TRMT9B: variants seen among roughly 807,000 people sequenced by gnomAD.
The protein encoded by TRMT9B is tRNA methyltransferase 9B (putative).
Under a neutral mutation model 11.5 loss-of-function variants are expected in TRMT9B, and 16 were observed. The observed-to-expected ratio is 1.39, with a 90% CI of 0.94 to 2.11. The LOEUF (loss-of-function observed/expected upper bound fraction) is 2.11. Among genes scored for constraint, TRMT9B ranks in the 30% most tolerant of loss-of-function variants. TRMT9B has a pLI of 0.00. For synonymous variants in TRMT9B, 274 were observed against 192.4 expected, an observed-to-expected ratio of 1.42 and a Z score of -3.51; for missense variants, 941 against 553.8, an observed-to-expected ratio of 1.70 and a Z score of -7.02.
chr8:12,966,599 C>T (rs970944822), intron 1 of TRMT9B, among the ~76,000 whole-genome samples: 1 of 152,166 alleles, frequency 6.6e-6, no homozygotes, highest in Non-Finnish European at 1.5e-5. Context: ...CCATGTGGCA[C>T]AGCATTTATT....
At chr8:12,980,033 GTTGA>G (rs1412549541) in intron 1 of TRMT9B, among the ~76,000 whole-genome samples, 1 of 152,146 alleles carries the variant, frequency 6.6e-6, no homozygotes, top group African/African-American at 2.4e-5. Context: ...AGAGTTCATG[GTTGA>G]TTGAATCTAG....
intron 3 of TRMT9B, among the ~76,000 whole-genome samples, chr8:13,008,105 A>G (rs1192258706): frequency 2.6e-5 from 4 of 152,198 alleles, no homozygotes; most frequent in Admixed American, 2.6e-4. Context: ...TTGTCAATTT[A>G]CCAATGTATA....
chr8:12,963,398 A>C (rs1291755717), intron 1 of TRMT9B, among the ~76,000 whole-genome samples: 1 of 152,156 alleles, frequency 6.6e-6, no homozygotes, highest in Non-Finnish European at 1.5e-5. Context: ...GCACCACTGC[A>C]CTCCAGCCTG....
At chr8:12,958,080 G>C (rs1287627552) in intron 1 of TRMT9B, among the ~76,000 whole-genome samples, 5 of 152,014 alleles carry the variant, frequency 3.3e-5, no homozygotes, top group Non-Finnish European at 5.9e-5. Context: ...TAAAGAAAAA[G>C]AGGTTTTTTG....
At chr8:13,015,996 G>T (rs879276756) in intron 4 of TRMT9B, among the ~76,000 whole-genome samples, 1 of 151,244 alleles carries the variant, frequency 6.6e-6, no homozygotes, top group Admixed American at 6.6e-5. Context: ...TGAATTCCCA[G>T]CTACTTTGGG....
intron 1 of TRMT9B, among the ~76,000 whole-genome samples, chr8:12,960,640 A>C (rs1244308998): frequency 6.6e-6 from 1 of 152,152 alleles, no homozygotes; most frequent in Non-Finnish European, 1.5e-5. Context: ...AAAAGAAATG[A>C]TTTTTCAAGT....
intron 4 of TRMT9B, among the ~76,000 whole-genome samples, chr8:13,016,200 A>G: frequency 7.0e-6 from 1 of 142,974 alleles, no homozygotes; most frequent in Admixed American, 7.5e-5. Flanking sequence ...TGAAATATAT[A>G]TTTATATATA....
At chr8:12,972,431 T>C (rs755213634) in intron 1 of TRMT9B, among the ~76,000 whole-genome samples, 1 of 152,072 alleles carries the variant, frequency 6.6e-6, no homozygotes, top group Non-Finnish European at 1.5e-5. Context: ...GAGCTAGTCC[T>C]GGGAAAGTGA....
chr8:12,963,180 T>C (rs1260039318), intron 1 of TRMT9B, among the ~76,000 whole-genome samples: 1 of 152,164 alleles, frequency 6.6e-6, no homozygotes, highest in Non-Finnish European at 1.5e-5. Context: ...ACTCCTGTAA[T>C]CCCAGCACTT....
chr8:12,980,560 A>G (rs1805194882), intron 1 of TRMT9B, among the ~76,000 whole-genome samples: 1 of 152,130 alleles, frequency 6.6e-6, no homozygotes, highest in South Asian at 2.1e-4. Flanking sequence ...AGCACTGCAC[A>G]CTACAGAGTT....
At chr8:12,950,371 C>T (rs2946510) in intron 1 of TRMT9B, among the ~76,000 whole-genome samples, 1 of 151,932 alleles carries the variant, frequency 6.6e-6, no homozygotes, top group Non-Finnish European at 1.5e-5. Context: ...GCTTTGTCTC[C>T]TAATGCACTG....
Position 13,021,041 on chromosome 8 carries a change from T to C in TRMT9B, c.362T>C (p.Ile121Thr), listed in dbSNP as rs1166540470. The C allele has an allele frequency of 6.4e-7, 1 of 1,572,878 alleles. No individual in the cohort carries two copies. The highest frequency in any genetic ancestry group is 8.6e-7 in the Non-Finnish European group (1 of 1,160,856). Residue 121 changes from isoleucine (I) to threonine (T), a missense_variant, in exon 5 of 5, where the codon ATC becomes ACC. Ile to Thr is a moderately conservative substitution (Grantham distance 89). Coordinates refer to ENST00000524591, the MANE Select transcript of TRMT9B (RefSeq NM_020844.3). ...IHHFSTKQRR[I>T]RAIKEMARVL... ...CATTTTTCTACAAAACAAAGAAGAA[T>C]CAGAGCAATAAAAGAAATGGCCAGG...
In TRMT9B at chr8:13,028,291, G is replaced by A. The variant is rs772369344; in HGVS notation, c.*6247G>A. On this transcript the variant is annotated 3_prime_UTR_variant, in exon 5 of 5. Transcript: ENST00000524591. ...ATCTGATGGACCATTTGTAAGAGCT[G>A]TTTGTCAAATTGGATCTTCATTTGA... 11 of 167,070 alleles carry A rather than the reference G, an allele frequency of 6.6e-5. No homozygotes were observed. Among genetic ancestry groups the A allele is most frequent in the Non-Finnish European group, 1.2e-4 (8 of 68,128 alleles). 10.3% of individuals were successfully genotyped at this position (167,070 alleles called of 1,614,324 possible).
chr8:12,993,710 C>T (rs1807808489), intron 2 of TRMT9B, among the ~76,000 whole-genome samples: 1 of 152,232 alleles, frequency 6.6e-6, no homozygotes, highest in Non-Finnish European at 1.5e-5. Context: ...AGAGTCCCTT[C>T]ATCCATTTGT....
At chr8:13,003,320 A>G (rs1488234476) in intron 2 of TRMT9B, among the ~76,000 whole-genome samples, 2 of 152,082 alleles carry the variant, frequency 1.3e-5, no homozygotes, top group Non-Finnish European at 2.9e-5. Flanking sequence ...GATACCACTC[A>G]CTCACATGCC....
intron 3 of TRMT9B, chr8:13,010,598 G>A (rs1811407815): frequency 2.0e-6 from 2 of 985,224 alleles, no homozygotes; most frequent in African/African-American, 3.5e-5. Context: ...CTGGAAGCAT[G>A]TCAGGAGAAA....
At chr8:12,985,853 T>C (rs1806202904) in intron 1 of TRMT9B, among the ~76,000 whole-genome samples, 1 of 152,028 alleles carries the variant, frequency 6.6e-6, no homozygotes, top group Non-Finnish European at 1.5e-5. Context: ...ACTAGATTAA[T>C]GATTTTTTTT....
chr8:13,013,900 G>C (rs1812136516), intron 4 of TRMT9B, among the ~76,000 whole-genome samples: 1 of 152,144 alleles, frequency 6.6e-6, no homozygotes, highest in South Asian at 2.1e-4. Flanking sequence ...AGTGAGCTGA[G>C]ATCACACCAC....
rs1408743470 is a variant in TRMT9B at position 13,026,904 on chromosome 8, A to C, written c.*4860A>C. ...TTGGAAAAGTTTAAGCAAAGATTAC[A>C]CAGCTAGACAATAATTCAATAGTAG... is the stretch of plus-strand genomic sequence containing the variant. On this transcript the variant is annotated 3_prime_UTR_variant, in exon 5 of 5. Transcript: ENST00000524591. 1 of 167,108 alleles carries C rather than the reference A, an allele frequency of 6.0e-6. No individual in the cohort carries two copies. Among genetic ancestry groups the C allele is most frequent in the Non-Finnish European group, 1.5e-5 (1 of 68,122 alleles). The allele number at this position is 167,108 out of a possible 1,614,324, so 10.4% of individuals were successfully genotyped here.
Sources: gnomAD v4.1 joint callset for allele counts (sites outside exome capture counted in the v4.1 genomes callset) on GRCh38, gnomAD v4.1.1 for gene constraint, MANE v1.5 for transcripts, NCBI Gene and HGNC (gene_info 2026-07-23, HGNC 2026-07-21) for gene names.